SEL1L3: variants seen among roughly 807,000 people sequenced by gnomAD.
SEL1L3 encodes protein sel-1 homolog 3.
In SEL1L3, 76 loss-of-function variants were observed where a neutral mutation model predicts 142.8. The ratio of observed to expected loss-of-function variants is 0.53; its 90% confidence interval spans 0.44 to 0.64. The LOEUF (loss-of-function observed/expected upper bound fraction) is 0.64, where lower values mean the gene tolerates loss of function less well. SEL1L3 is among the 30% of genes least tolerant of loss of function. SEL1L3 has a pLI of 0.00. For missense variants in SEL1L3, 1,262 were observed against 1,381.7 expected, an observed-to-expected ratio of 0.91 and a Z score of 1.37; for synonymous variants, 504 against 519.6, an observed-to-expected ratio of 0.97 and a Z score of 0.41.
the SEL1L3 span, chr4:25,720,297 GA>G: frequency 6.6e-6 from 1 of 152,136 alleles, no homozygotes; most frequent in Non-Finnish European, 1.5e-5. Flanking sequence ...AGGAGAAGGG[GA>G]AGCAGGCGGA....
intron 13 of SEL1L3, among the ~76,000 whole-genome samples, chr4:25,786,226 C>G (rs886569997): frequency 6.6e-6 from 1 of 152,182 alleles, no homozygotes; most frequent in Non-Finnish European, 1.5e-5. Flanking sequence ...AATGCCCCCA[C>G]ACAGTCAAAT....
intron 2 of SEL1L3, among the ~76,000 whole-genome samples, chr4:25,846,912 C>A (rs1300632130): frequency 2.8e-3 from 202 of 71,628 alleles, no homozygotes; most frequent in East Asian, 5.5e-3. Flanking sequence ...GACTCCATCT[C>A]AAAAAAAAAA....
At chr4:25,722,386 T>A in the SEL1L3 span, among the ~76,000 whole-genome samples, 1 of 152,144 alleles carries the variant, frequency 6.6e-6, no homozygotes, top group Admixed American at 6.6e-5. Context: ...TTAATCATCC[T>A]TATGTCAAGG....
chr4:25,745,276 T>G (rs1173902544), downstream of SEL1L3, among the ~76,000 whole-genome samples: 2 of 151,950 alleles, frequency 1.3e-5, no homozygotes, highest in Non-Finnish European at 2.9e-5. Context: ...ATGCCTGTAA[T>G]CCCAGCTACT....
At chr4:25,825,117 T>C (rs1194294923) in intron 6 of SEL1L3, among the ~76,000 whole-genome samples, 1 of 152,238 alleles carries the variant, frequency 6.6e-6, no homozygotes, top group Non-Finnish European at 1.5e-5. Context: ...AAGGGAGTTA[T>C]CTGTTTTAGT....
intron 11 of SEL1L3, among the ~76,000 whole-genome samples, chr4:25,800,060 G>C (rs925737452): frequency 1.3e-5 from 2 of 152,174 alleles, no homozygotes; most frequent in Non-Finnish European, 2.9e-5. Context: ...TCCTACTAAA[G>C]CATAAAGAAA....
intron 1 of SEL1L3, among the ~76,000 whole-genome samples, chr4:25,860,029 G>A (rs1223142583): frequency 2.6e-5 from 4 of 152,130 alleles, no homozygotes; most frequent in African/African-American, 7.2e-5. Flanking sequence ...TTAGAGCTGG[G>A]GCTCTGGAGG....
At chr4:25,848,858 A>G (rs1716709703) in intron 1 of SEL1L3, among the ~76,000 whole-genome samples, 1 of 152,196 alleles carries the variant, frequency 6.6e-6, no homozygotes, top group Non-Finnish European at 1.5e-5. Context: ...ATATGATCAG[A>G]CTGGGCGTGG....
At chr4:25,737,204 C>G in the SEL1L3 span, among the ~76,000 whole-genome samples, 1 of 152,108 alleles carries the variant, frequency 6.6e-6, no homozygotes, top group Non-Finnish European at 1.5e-5. Context: ...AGGCTGGTCT[C>G]GAACTCCTGA....
chr4:25,809,016 T>C (rs1375337226), intron 9 of SEL1L3, among the ~76,000 whole-genome samples: 3 of 140,062 alleles, frequency 2.1e-5, no homozygotes, highest in Non-Finnish European at 3.1e-5. Flanking sequence ...GAGCTTGCAG[T>C]GAGCCGAGAT....
chr4:25,789,584 CAA>C (rs55852462), intron 12 of SEL1L3, among the ~76,000 whole-genome samples: 25,578 of 124,606 alleles, frequency 0.21, 2,598 homozygotes, highest in East Asian at 0.29. Flanking sequence ...GACCCTGAAT[CAA>C]AAAAAAAAAA....
At chr4:25,831,316 A>T (rs1715421297) in intron 5 of SEL1L3, among the ~76,000 whole-genome samples, 1 of 151,646 alleles carries the variant, frequency 6.6e-6, no homozygotes, top group Non-Finnish European at 1.5e-5. Flanking sequence ...CTCCAGTCAA[A>T]CTAGTTTGTC....
upstream of SEL1L3, chr4:25,863,549 T>C: frequency 1.4e-6 from 1 of 702,542 alleles, no homozygotes; most frequent in Non-Finnish European, 2.6e-6. Context: ...CCCCTGGAGT[T>C]GTGCCGCGCA....
At chr4:25,799,247 G>C (rs1158393338) in intron 11 of SEL1L3, among the ~76,000 whole-genome samples, 1 of 152,050 alleles carries the variant, frequency 6.6e-6, no homozygotes. Context: ...GCTAGTTTTT[G>C]CATTTTTAGT....
intron 6 of SEL1L3, among the ~76,000 whole-genome samples, chr4:25,828,235 G>C (rs759265860): frequency 3.0e-4 from 46 of 152,052 alleles, no homozygotes; most frequent in Non-Finnish European, 5.9e-5. Flanking sequence ...ATGAAAATAA[G>C]AATTGTTCTA....
At chr4:25,811,392 C>A (rs188207872) in intron 9 of SEL1L3, among the ~76,000 whole-genome samples, 34 of 152,238 alleles carry the variant, frequency 2.2e-4, no homozygotes, top group African/African-American at 7.9e-4. Flanking sequence ...AAAGAGCAGC[C>A]GCTCCTCAGA....
intron 23 of SEL1L3, among the ~76,000 whole-genome samples, chr4:25,749,943 C>A (rs1717478878): frequency 6.6e-6 from 1 of 152,036 alleles, no homozygotes; most frequent in Non-Finnish European, 1.5e-5. Flanking sequence ...TATTAGAAAC[C>A]CAGCCACAGG....
At chr4:25,815,571 A>G (rs1714338262) in intron 9 of SEL1L3, among the ~76,000 whole-genome samples, 1 of 152,166 alleles carries the variant, frequency 6.6e-6, no homozygotes, top group Admixed American at 6.5e-5. Flanking sequence ...AATCAGCACA[A>G]CTATTTTTAA....
intron 20 of SEL1L3, among the ~76,000 whole-genome samples, chr4:25,763,209 T>G (rs1199249009): frequency 6.6e-6 from 1 of 151,012 alleles, no homozygotes; most frequent in Non-Finnish European, 1.5e-5. Context: ...CCAGGCCCAA[T>G]TTTAAGTGAC....
Sources: gnomAD v4.1 joint callset for allele counts (sites outside exome capture counted in the v4.1 genomes callset) on GRCh38, gnomAD v4.1.1 for gene constraint, MANE v1.5 for transcripts, NCBI Gene and HGNC (gene_info 2026-07-23, HGNC 2026-07-21) for gene names.